Variants in OCA2 observed in about 807,000 individuals in gnomAD.
OCA2 encodes OCA2 melanosomal transmembrane protein.
In OCA2, 77 loss-of-function variants were observed where a neutral mutation model predicts 100.2. That is an observed-to-expected ratio of 0.77 (90% CI 0.64 to 0.93). OCA2 has a LOEUF of 0.93. Among genes scored for constraint, OCA2 ranks in the 40% least tolerant of loss-of-function variants. OCA2 has a pLI of 0.00. For missense variants in OCA2, 1,062 were observed against 1,089.1 expected (o/e 0.98, Z 0.35); for synonymous variants, 432 against 439.2 (o/e 0.98, Z 0.21).
intron 23 of OCA2, among the ~76,000 whole-genome samples, chr15:27,806,723 G>A (rs1363443939): frequency 6.6e-6 from 1 of 152,266 alleles, no homozygotes; most frequent in African/African-American, 2.4e-5. Flanking sequence ...TGCCCTGTGG[G>A]AAGAGGATAT....
At chr15:28,068,942 C>T (rs1216636700) in intron 2 of OCA2, among the ~76,000 whole-genome samples, 1 of 152,184 alleles carries the variant, frequency 6.6e-6, no homozygotes, top group Non-Finnish European at 1.5e-5. Context: ...GAATGTACCT[C>T]ATAATACTGA....
At chr15:28,029,475 G>C (rs930990973) in intron 3 of OCA2, among the ~76,000 whole-genome samples, 2 of 151,940 alleles carry the variant, frequency 1.3e-5, no homozygotes, top group African/African-American at 2.4e-5. Context: ...TTCTAGAGCA[G>C]TGCTGTGCAA....
intron 23 of OCA2, among the ~76,000 whole-genome samples, chr15:27,763,811 G>A (rs960439945): frequency 3.9e-5 from 6 of 152,208 alleles, no homozygotes; most frequent in Non-Finnish European, 8.8e-5. Context: ...CCAAATGTAG[G>A]TGACAGGACA....
chr15:27,932,703 C>T lies in OCA2; in HGVS notation c.1952-6449G>A, dbSNP rs183688892. Among the ~76,000 whole-genome samples, 242 of 152,244 alleles carry T rather than the reference C, an allele frequency of 1.6e-3. 1 individual carries two copies. Among genetic ancestry groups the T allele is most frequent in the African/African-American group, 5.5e-3 (227 of 41,542 alleles). On this transcript the variant is annotated intron_variant, in intron 18 of 23. Transcript: ENST00000354638. The stretch of plus-strand genomic sequence containing the variant: ...GTTGTGGTGGTTTGTTTGCTTTTAG[C>T]TCCTGGAATTCAAATCAATCTGTGT...
chr15:27,894,046 C>A (rs1402647817), intron 19 of OCA2, among the ~76,000 whole-genome samples: 1 of 152,206 alleles, frequency 6.6e-6, no homozygotes, highest in Admixed American at 6.5e-5. Flanking sequence ...CTCAGGCAGG[C>A]ATCACAGTCC....
At chr15:27,740,784 G>A in the OCA2 span, among the ~76,000 whole-genome samples, 2 of 152,168 alleles carry the variant, frequency 1.3e-5, no homozygotes, top group Admixed American at 6.5e-5. Context: ...CACAGGCTGG[G>A]TCGGCCGAGC....
At position 27,980,058 on chromosome 15, in the gene OCA2, G is replaced by A. The variant is rs141563798; in HGVS notation, c.1503+3287C>T. Among the ~76,000 whole-genome samples, 216 of 151,364 alleles carry A rather than the reference G, an allele frequency of 1.4e-3. 4 individuals carry two copies. Among genetic ancestry groups the A allele is most frequent in the Admixed American group, 0.014 (215 of 15,182 alleles). On this transcript the variant is annotated intron_variant, in intron 14 of 23. Coordinates refer to ENST00000354638, the MANE Select transcript of OCA2 (RefSeq NM_000275.3). ...CTTCCCTTCCAGGCTTTATTTTATT[G>A]TTGTCATCAATTCTACTTACATGTT...
the OCA2 span, among the ~76,000 whole-genome samples, chr15:27,725,774 G>T: frequency 6.6e-6 from 1 of 152,078 alleles, no homozygotes; most frequent in Admixed American, 6.5e-5. Context: ...GGGGCCAGGA[G>T]AGGGTAGGCA....
intron 18 of OCA2, among the ~76,000 whole-genome samples, chr15:27,938,320 G>C (rs979426234): frequency 1.3e-5 from 2 of 152,196 alleles, no homozygotes; most frequent in Non-Finnish European, 2.9e-5. Flanking sequence ...ATGAGGGTCA[G>C]GAGGTAGCTA....
intron 2 of OCA2, among the ~76,000 whole-genome samples, chr15:28,079,952 G>C (rs1314400168): frequency 6.6e-6 from 1 of 152,222 alleles, no homozygotes; most frequent in Non-Finnish European, 1.5e-5. Context: ...ACAGGCCCCA[G>C]TCTGCCCCTG....
chr15:27,984,632 C>T (rs1237456616), intron 13 of OCA2, among the ~76,000 whole-genome samples: 1 of 152,198 alleles, frequency 6.6e-6, no homozygotes, highest in African/African-American at 2.4e-5. Flanking sequence ...GCAATCTCAG[C>T]TCACTGCAAC....
At chr15:27,747,050 C>G in the OCA2 span, among the ~76,000 whole-genome samples, 1 of 152,188 alleles carries the variant, frequency 6.6e-6, no homozygotes, top group African/African-American at 2.4e-5. Context: ...GTATCAATTT[C>G]ACTTACTGTC....
chr15:27,970,942 G>T (rs1243320260), intron 14 of OCA2, among the ~76,000 whole-genome samples: 1 of 151,628 alleles, frequency 6.6e-6, no homozygotes, highest in Non-Finnish European at 1.5e-5. Flanking sequence ...TGCACAGTAC[G>T]GCAGGGAAAG....
Position 27,824,578 on chromosome 15 carries a change from T to TTCTC in OCA2, c.2432+20377_2432+20380dup, listed in dbSNP as rs368293640. On this transcript the variant is annotated intron_variant, in intron 23 of 23. Coordinates refer to ENST00000354638, the MANE Select transcript of OCA2 (RefSeq NM_000275.3). ...CTAATTTCTTTTGAATAAATACAAT[T>TTCTC]TCTCTCTCTCTCTCTCTCTCTCTCT... Among the ~76,000 whole-genome samples, 83 of 53,622 alleles carry TTCTC rather than the reference T, an allele frequency of 1.5e-3. 7 individuals carry two copies. Among genetic ancestry groups the TTCTC allele is most frequent in the African/African-American group, 8.1e-3 (63 of 7,772 alleles). The allele number at this position is 53,622 out of a possible 152,430, so 35.2% of individuals were successfully genotyped here.
downstream of OCA2, among the ~76,000 whole-genome samples, chr15:27,753,989 C>T (rs4301973): frequency 5.9e-4 from 90 of 152,030 alleles, no homozygotes; most frequent in Admixed American, 3.9e-3. Context: ...TTTCAGTGAC[C>T]GGCTCAGGGA....
At chr15:28,045,078 A>G (rs2043309587) in intron 2 of OCA2, among the ~76,000 whole-genome samples, 1 of 152,100 alleles carries the variant, frequency 6.6e-6, no homozygotes. Context: ...TACCATCTTG[A>G]TACTTGTTTT....
intron 18 of OCA2, among the ~76,000 whole-genome samples, chr15:27,938,923 C>T (rs2039552028): frequency 6.6e-6 from 1 of 152,216 alleles, no homozygotes; most frequent in East Asian, 1.9e-4. Context: ...AGACAGCTCA[C>T]ATACAACTGC....
intron 18 of OCA2, among the ~76,000 whole-genome samples, chr15:27,939,692 G>A (rs1180703763): frequency 6.6e-6 from 1 of 152,242 alleles, no homozygotes; most frequent in Non-Finnish European, 1.5e-5. Context: ...GGTCAGTGCT[G>A]CAGGTGCATT....
intron 2 of OCA2, among the ~76,000 whole-genome samples, chr15:28,050,319 G>C (rs115335336): frequency 0.015 from 2,295 of 152,158 alleles, 24 homozygotes; most frequent in Middle Eastern, 0.034. Context: ...ACCCTCTTGG[G>C]AGGCTGAGGC....
Sources: allele counts gnomAD v4.1 joint callset (sites outside exome capture counted in the v4.1 genomes callset), GRCh38; gene constraint gnomAD v4.1.1; transcripts MANE v1.5; gene names NCBI Gene and HGNC (gene_info 2026-07-23, HGNC 2026-07-21).